Variants in MGAT5 observed in about 807,000 individuals in gnomAD.
The protein encoded by MGAT5 is alpha-1,6-mannosylglycoprotein 6-beta-N-acetylglucosaminyltransferase A.
MGAT5 carries 30 observed loss-of-function variants against 94.3 expected under a neutral mutation model. The ratio of observed to expected loss-of-function variants is 0.32; its 90% CI spans 0.24 to 0.43. The LOEUF (loss-of-function observed/expected upper bound fraction) is 0.43, where lower values mean the gene tolerates loss of function less well. Among genes scored for constraint, MGAT5 ranks in the 20% least tolerant of loss-of-function variants. The probability of loss-of-function intolerance (pLI) is 1.00; values close to 1 mark genes in which losing one functional copy is unlikely to be tolerated. For synonymous variants in MGAT5, 310 were observed against 322.9 expected (o/e 0.96, Z 0.43); for missense variants, 691 against 905.5 (o/e 0.76, Z 3.04).
rs369520512 is a variant in MGAT5, at chr2:134,191,730, G to T, written c.-142-62532G>T. 1.2e-4 allele frequency among the ~76,000 whole-genome samples: 17 copies of T among 140,622 alleles called. No individual in the cohort carries two copies. In the South Asian group the frequency reaches 1.8e-3, roughly 15 times the overall value. 92.3% of individuals were successfully genotyped at this position (140,622 alleles called of 152,430 possible). ...GTTCCTGATGGGAGGGTGGGTTCGC[G>T]CCCTCCTCCTCCTCCTCCTCCTTGC... On this transcript the variant is annotated intron_variant, in intron 1 of 16. Coordinates refer to the MGAT5 transcript ENST00000409645.
chr2:134,154,291 G>A (rs954846965), intron 1 of MGAT5, among the ~76,000 whole-genome samples: 1 of 152,180 alleles, frequency 6.6e-6, no homozygotes, highest in Non-Finnish European at 1.5e-5. Context: ...TCTGAAATGG[G>A]TGTGGACTTT....
At chr2:134,232,642 G>C (rs1681428508) in intron 1 of MGAT5, among the ~76,000 whole-genome samples, 1 of 152,138 alleles carries the variant, frequency 6.6e-6, no homozygotes, top group Admixed American at 6.5e-5. Flanking sequence ...CCAGGAAGTT[G>C]ATACTAACAG....
intron 9 of MGAT5, among the ~76,000 whole-genome samples, chr2:134,353,896 A>ACC (rs1679551670): frequency 6.6e-6 from 1 of 151,932 alleles, no homozygotes; most frequent in South Asian, 2.1e-4. Context: ...CAACAACAAA[A>ACC]AAAAAAAATA....
chr2:134,188,935 T>C (rs1216381029), intron 1 of MGAT5, among the ~76,000 whole-genome samples: 1 of 152,178 alleles, frequency 6.6e-6, no homozygotes, highest in Non-Finnish European at 1.5e-5. Flanking sequence ...TTTTCAACTA[T>C]GGTTTTATTA....
chr2:134,299,682 T>C (rs2105814789), intron 2 of MGAT5, among the ~76,000 whole-genome samples: 1 of 152,244 alleles, frequency 6.6e-6, no homozygotes, highest in South Asian at 2.1e-4. Flanking sequence ...CTGTCCCCTC[T>C]TTTATTCCTC....
In MGAT5 at chr2:134,357,829, C is replaced by G. The variant is rs369746520; in HGVS notation, c.1247-4446C>G. On this transcript the variant is annotated intron_variant, in intron 9 of 15. Transcript: ENST00000281923. ...CAACTTATATTACAGTTTCCCTAGC[C>G]TGCATCCCAGCCTTCTCTCTTGAAG... Among the ~76,000 whole-genome samples the G allele has an allele frequency of 5.9e-5, 9 of 151,666 alleles. No homozygotes were observed. In the East Asian group the frequency reaches 1.4e-3, roughly 23 times the overall value.
At chr2:134,142,162 G>C (rs918001296) in intron 1 of MGAT5, among the ~76,000 whole-genome samples, 2 of 152,206 alleles carry the variant, frequency 1.3e-5, no homozygotes, top group Admixed American at 6.5e-5. Flanking sequence ...GCATTGCCCA[G>C]GTGTTCCCAT....
chr2:134,423,064 T>A, intron 13 of MGAT5, 145 bp downstream of exon 13: 1 of 609,452 alleles, frequency 1.6e-6, no homozygotes, highest in Non-Finnish European at 2.9e-6. Flanking sequence ...GCTGCAGGAT[T>A]TGGCCTGTGG....
At chr2:134,171,757 A>G (rs1340757404) in intron 1 of MGAT5, among the ~76,000 whole-genome samples, 3 of 152,226 alleles carry the variant, frequency 2.0e-5, no homozygotes. Flanking sequence ...TTCCTATTCT[A>G]AAGTGGACAT....
chr2:134,407,992 T>C (rs764509701), intron 11 of MGAT5, among the ~76,000 whole-genome samples: 1 of 152,246 alleles, frequency 6.6e-6, no homozygotes, highest in Non-Finnish European at 1.5e-5. Flanking sequence ...CCCTCTACCA[T>C]GTACTAGGCC....
intron 2 of MGAT5, among the ~76,000 whole-genome samples, chr2:134,293,814 G>A (rs1685516409): frequency 1.3e-5 from 2 of 152,298 alleles, no homozygotes; most frequent in East Asian, 3.9e-4. Context: ...TGAGTCTGCA[G>A]TTGGCTGACA....
chr2:134,144,705 A>G (rs1485607908), intron 1 of MGAT5, among the ~76,000 whole-genome samples: 1 of 152,224 alleles, frequency 6.6e-6, no homozygotes. Context: ...TGGCAGTAGT[A>G]CATGTTTTTA....
intron 2 of MGAT5, among the ~76,000 whole-genome samples, chr2:134,283,192 A>G (rs11689718): frequency 0.095 from 14,525 of 152,166 alleles, 828 homozygotes; most frequent in South Asian, 0.24. Flanking sequence ...CAGTGGTGCA[A>G]CTGTGGTGAA....
intron 1 of MGAT5, among the ~76,000 whole-genome samples, chr2:134,155,009 C>T (rs1315797711): frequency 6.6e-6 from 1 of 152,198 alleles, no homozygotes; most frequent in East Asian, 1.9e-4. Context: ...TCAGTGACCG[C>T]CCTGTGTTTT....
chr2:134,439,296 C>T (rs1333082410), intron 14 of MGAT5, among the ~76,000 whole-genome samples: 1 of 152,206 alleles, frequency 6.6e-6, no homozygotes, highest in African/African-American at 2.4e-5. Flanking sequence ...CCCAAAGGCT[C>T]ACATAGCTGG....
At chr2:134,163,748 A>G (rs1200618695) in intron 1 of MGAT5, among the ~76,000 whole-genome samples, 1 of 152,186 alleles carries the variant, frequency 6.6e-6, no homozygotes, top group African/African-American at 2.4e-5. Context: ...CCCATTCATT[A>G]CCTTAACATT....
intron 10 of MGAT5, among the ~76,000 whole-genome samples, chr2:134,364,275 G>A (rs1680279213): frequency 6.6e-6 from 1 of 152,202 alleles, no homozygotes; most frequent in African/African-American, 2.4e-5. Flanking sequence ...TGAGGCGGGT[G>A]GATCACCTGA....
intron 5 of MGAT5, among the ~76,000 whole-genome samples, chr2:134,337,971 T>C (rs977686500): frequency 6.6e-6 from 1 of 152,176 alleles, no homozygotes; most frequent in Non-Finnish European, 1.5e-5. Flanking sequence ...CCATACTCAT[T>C]ATAAAAACTG....
chr2:134,133,438 T>C (rs1028688579), intron 1 of MGAT5, among the ~76,000 whole-genome samples: 1 of 152,210 alleles, frequency 6.6e-6, no homozygotes, highest in East Asian at 1.9e-4. Context: ...GATATGTCTT[T>C]GTAGAATCTG....
Sources: gnomAD v4.1 joint callset for allele counts (sites outside exome capture counted in the v4.1 genomes callset) on GRCh38, gnomAD v4.1.1 for gene constraint, MANE v1.5 for transcripts, NCBI Gene and HGNC (gene_info 2026-07-23, HGNC 2026-07-21) for gene names.